Variants in PEX5L observed in about 807,000 individuals in gnomAD.
The protein encoded by PEX5L is PEX5-related protein.
Under a neutral mutation model 84.0 loss-of-function variants are expected in PEX5L, and 30 were observed. The ratio of observed to expected loss-of-function variants is 0.36; its 90% CI spans 0.27 to 0.48. PEX5L has a LOEUF of 0.48. Among genes scored for constraint, PEX5L ranks in the 20% least tolerant of loss-of-function variants. The probability of loss-of-function intolerance (pLI) is 0.99; values close to 1 mark genes in which losing one functional copy is unlikely to be tolerated. For missense variants in PEX5L, 533 were observed against 754.6 expected (o/e 0.71, Z 3.44); for synonymous variants, 270 against 283.1 (o/e 0.95, Z 0.46).
chr3:179,874,752 T>TTTTTG (rs1751747136), intron 6 of PEX5L, among the ~76,000 whole-genome samples: 3 of 112,008 alleles, frequency 2.7e-5, no homozygotes, highest in African/African-American at 9.3e-5. Flanking sequence ...TTTTTTTTTT[T>TTTTTG]TTTTTTTTTT....
At chr3:179,905,477 G>T (rs1762861523) in intron 2 of PEX5L, among the ~76,000 whole-genome samples, 1 of 152,034 alleles carries the variant, frequency 6.6e-6, no homozygotes, top group Admixed American at 6.5e-5. Flanking sequence ...GTTTCACCGT[G>T]TTAGCCAGGA....
intron 8 of PEX5L, among the ~76,000 whole-genome samples, chr3:179,848,599 G>A (rs192486896): frequency 1.6e-4 from 24 of 150,402 alleles, no homozygotes; most frequent in African/African-American, 5.4e-4. Context: ...AACTTCTCTC[G>A]ACAGTAAAAT....
intron 2 of PEX5L, among the ~76,000 whole-genome samples, chr3:179,968,567 G>A (rs916176177): frequency 2.8e-4 from 42 of 151,992 alleles, no homozygotes; most frequent in African/African-American, 1.0e-3. Flanking sequence ...TTTGGGTTTT[G>A]GAGGCATTAA....
At chr3:179,809,408 CTT>C (rs1722840892) in intron 12 of PEX5L, 61 bp downstream of exon 12, 1 of 1,275,252 alleles carries the variant, frequency 7.8e-7, no homozygotes, top group Admixed American at 1.7e-5. Context: ...ATTAGTTGCC[CTT>C]TAGGTGATTC....
At chr3:179,973,450 A>G (rs944815089) in intron 1 of PEX5L, 1 of 1,124,550 alleles carries the variant, frequency 8.9e-7, no homozygotes, top group Non-Finnish European at 1.1e-6. Context: ...TTCTTTTTCT[A>G]ACTAATTTTT....
At chr3:179,893,336 A>G (rs534180317) in intron 3 of PEX5L, among the ~76,000 whole-genome samples, 2 of 152,182 alleles carry the variant, frequency 1.3e-5, no homozygotes, top group Non-Finnish European at 2.9e-5. Context: ...TCAATGTTTT[A>G]AAATTAAACT....
intron 7 of PEX5L, among the ~76,000 whole-genome samples, chr3:179,862,992 A>G (rs1285998175): frequency 1.3e-5 from 2 of 152,232 alleles, no homozygotes; most frequent in African/African-American, 4.8e-5. Context: ...AAACAGGCAT[A>G]TAGACCAATG....
chr3:179,988,975 G>C (rs997792137), intron 1 of PEX5L, among the ~76,000 whole-genome samples: 1 of 152,174 alleles, frequency 6.6e-6, no homozygotes, highest in Non-Finnish European at 1.5e-5. Context: ...ACTTCAAAAT[G>C]CAAGTATACA....
rs2108580886 is a variant in PEX5L at position 179,795,526 on chromosome 3, A to G, written c.*6302T>C. On this transcript the variant is annotated 3_prime_UTR_variant, in exon 15 of 15. Coordinates refer to ENST00000467460, the MANE Select transcript of PEX5L (RefSeq NM_016559.3). ...ATGATACATATTATTTCACTAAATC[A>G]CTGATACAGTATCACATAATATGCC... 6.6e-6 allele frequency: 1 copy of G among 152,296 alleles called. No homozygotes were observed. Among genetic ancestry groups the G allele is most frequent in the South Asian group, 2.1e-4 (1 of 4,828 alleles). 9.4% of individuals were successfully genotyped at this position (152,296 alleles called of 1,614,324 possible).
At chr3:179,940,474 C>T (rs16830940) in intron 2 of PEX5L, among the ~76,000 whole-genome samples, 50,023 of 151,834 alleles carry the variant, frequency 0.33, 8,430 homozygotes, top group African/African-American at 0.35. Flanking sequence ...TGAAGTGCTA[C>T]GGGATCCCCT....
Position 179,807,782 on chromosome 3 carries a change from C to T in PEX5L, c.1568G>A (p.Arg523His), listed in dbSNP as rs763107364. Residue 523 changes from arginine (R) to histidine (H), a missense_variant, in exon 14 of 15, where the codon CGC (arginine) becomes CAC (histidine). By Grantham distance (29) the Arg-to-His change is conservative. This residue lies in a region of PEX5L where 105 missense variants were observed against 204.6 expected (regional missense o/e 0.51). Coordinates refer to ENST00000467460, the MANE Select transcript of PEX5L (RefSeq NM_016559.3). The part of the protein sequence containing the change: ...RLGATLANGD[R>H]SEEAVEAYTR... ...ATAGGCCTCCACGGCTTCCTCGCTG[C>T]GGTCTCCGTTCGCCAAGGTCGCCCC... is the stretch of plus-strand genomic sequence containing the variant. 1.2e-6 allele frequency: 2 copies of T among 1,614,008 alleles called. No homozygotes were observed. Among genetic ancestry groups the T allele is most frequent in the Non-Finnish European group, 1.7e-6 (2 of 1,179,968 alleles).
intron 2 of PEX5L, chr3:179,900,850 A>G (rs909830511): frequency 7.3e-6 from 5 of 680,942 alleles, no homozygotes; most frequent in Admixed American, 2.3e-5. Context: ...CAAGTGCGGT[A>G]CAGTCTGAGG....
chr3:179,878,969 A>G (rs1206120269), intron 5 of PEX5L, among the ~76,000 whole-genome samples: 1 of 152,240 alleles, frequency 6.6e-6, no homozygotes, highest in Non-Finnish European at 1.5e-5. Flanking sequence ...TGTTTGCTGA[A>G]CAAATGAATA....
intron 2 of PEX5L, among the ~76,000 whole-genome samples, chr3:179,936,488 A>G (rs1281285090): frequency 1.3e-5 from 2 of 152,220 alleles, no homozygotes; most frequent in African/African-American, 2.4e-5. Context: ...TTATTTCATC[A>G]AAAGGAGCTG....
intron 8 of PEX5L, among the ~76,000 whole-genome samples, chr3:179,854,979 A>G (rs1273895050): frequency 1.3e-5 from 2 of 152,220 alleles, no homozygotes; most frequent in Non-Finnish European, 2.9e-5. Flanking sequence ...AGGTATTGGC[A>G]ATGCAGCTAA....
intron 2 of PEX5L, among the ~76,000 whole-genome samples, chr3:179,952,345 A>G (rs1442820376): frequency 6.6e-6 from 1 of 152,094 alleles, no homozygotes; most frequent in Non-Finnish European, 1.5e-5. Context: ...AAAACTGTAT[A>G]TTTCAGAAAG....
rs371783161 is a variant in PEX5L, at chr3:179,795,472, G to A, written c.*6356C>T. On this transcript the variant is annotated 3_prime_UTR_variant, in exon 15 of 15. Coordinates refer to ENST00000467460, the MANE Select transcript of PEX5L (RefSeq NM_016559.3). ...GAGCAACGCAGGGAAATACTAAGAT[G>A]AAGCCTTAATACCCAACAGAGTTGT... 3 of 152,182 alleles carry A rather than the reference G, an allele frequency of 2.0e-5. No homozygotes were observed. Among genetic ancestry groups the A allele is most frequent in the African/African-American group, 7.2e-5 (3 of 41,532 alleles). The allele number at this position is 152,182 out of a possible 1,614,324, so 9.4% of individuals were successfully genotyped here.
intron 2 of PEX5L, among the ~76,000 whole-genome samples, chr3:179,919,765 C>T (rs1185193273): frequency 5.9e-5 from 9 of 152,120 alleles, no homozygotes; most frequent in East Asian, 3.9e-4. Context: ...TGCAGTGGCG[C>T]GATCTCAGCT....
At chr3:179,815,783 C>A in intron 10 of PEX5L, 78 bp downstream of exon 10, 1 of 1,491,700 alleles carries the variant, frequency 6.7e-7, no homozygotes, top group Admixed American at 1.7e-5. Flanking sequence ...AAAAGCTGAC[C>A]CAGCAGAGTT....
Sources: allele counts gnomAD v4.1 joint callset (sites outside exome capture counted in the v4.1 genomes callset), GRCh38; gene constraint gnomAD v4.1.1; regional missense constraint gnomAD v4.1.1; transcripts MANE v1.5; gene names NCBI Gene and HGNC (gene_info 2026-07-23, HGNC 2026-07-21).